ITM2B: variants seen among roughly 807,000 people sequenced by gnomAD.
ITM2B encodes integral membrane protein 2B.
A neutral mutation model predicts 27.8 loss-of-function variants in ITM2B; 11 were observed. The observed-to-expected ratio is 0.40, with a 90% CI of 0.25 to 0.66. The LOEUF is 0.66. Ranked by LOEUF, ITM2B falls within the 30% of genes least tolerant of loss-of-function variation. ITM2B has a pLI of 0.43. For missense variants in ITM2B, 296 were observed against 328.9 expected, an observed-to-expected ratio of 0.90 and a Z score of 0.77; for synonymous variants, 114 against 114.3, an observed-to-expected ratio of 1.00 and a Z score of 0.02.
In ITM2B at chr13:48,261,609, AGTT is replaced by A. The variant is rs1409351564; in HGVS notation, c.*389_*391del. 6.3e-6 allele frequency: 1 copy of A among 158,978 alleles called. No homozygotes were observed. Among genetic ancestry groups the A allele is most frequent in the East Asian group, 1.8e-4 (1 of 5,476 alleles). 9.8% of individuals were successfully genotyped at this position (158,978 alleles called of 1,614,324 possible). A position where few individuals can be genotyped will look rare whatever the true frequency, so the allele number is the denominator to read the frequency against. ...AAATGGACCACAGTGACTTATTTGT[AGTT>A]GTTAGTTGCCCTGCTACCTAGTTTG... On this transcript the variant is annotated 3_prime_UTR_variant, in exon 6 of 6. Transcript: ENST00000647800.
chr13:48,259,654 T>C (rs1951810610), intron 5 of ITM2B, among the ~76,000 whole-genome samples: 1 of 152,008 alleles, frequency 6.6e-6, no homozygotes, highest in Non-Finnish European at 1.5e-5. Context: ...AATACTGTTC[T>C]CTCATCTCCG....
chr13:48,255,230 AGTGTGT>A (rs57255200), intron 2 of ITM2B, among the ~76,000 whole-genome samples: 6,721 of 149,652 alleles, frequency 0.045, 382 homozygotes, highest in African/African-American at 0.13. Flanking sequence ...TAGTGTGTGT[AGTGTGT>A]GTGTGTGTGT....
chr13:48,255,254 T>TGTGC (rs1555275899), intron 2 of ITM2B, among the ~76,000 whole-genome samples: 2 of 144,026 alleles, frequency 1.4e-5, no homozygotes, highest in Non-Finnish European at 3.1e-5. Flanking sequence ...TGTGTGTGTG[T>TGTGC]GCGCGCGCGT....
In ITM2B at chr13:48,265,605, T is replaced by A. The variant is rs1925744; in HGVS notation, c.*4381T>A. 28,706 of 152,512 alleles carry A rather than the reference T, an allele frequency of 0.19. 3,178 individuals carry two copies. The highest frequency in any genetic ancestry group is 0.25 in the Non-Finnish European group (16,787 of 68,132). The allele number at this position is 152,512 out of a possible 1,614,324, so 9.4% of individuals were successfully genotyped here. A position where few individuals can be genotyped will look rare whatever the true frequency, so the allele number is the denominator to read the frequency against. On this transcript the variant is annotated 3_prime_UTR_variant, in exon 6 of 6. Transcript: ENST00000647800. ...GGATAAAGACCAAAATACTTAATGC[T>A]GCACAGTCCAGTCCCAACCCACTCT...
At chr13:48,252,768 A>G (rs1163726428) in intron 1 of ITM2B, among the ~76,000 whole-genome samples, 1 of 152,208 alleles carries the variant, frequency 6.6e-6, no homozygotes, top group Non-Finnish European at 1.5e-5. Flanking sequence ...CAAGTAAAGG[A>G]CAGAGTCATG....
Position 48,263,343 on chromosome 13 carries a change from T to A in ITM2B, c.*2119T>A, listed in dbSNP as rs1043002635. 2.6e-5 allele frequency: 4 copies of A among 152,104 alleles called. No homozygotes were observed. The highest frequency in any genetic ancestry group is 5.9e-5 in the Non-Finnish European group (4 of 68,026). The allele number at this position is 152,104 out of a possible 1,614,324, so 9.4% of individuals were successfully genotyped here. On this transcript the variant is annotated 3_prime_UTR_variant, in exon 6 of 6. Coordinates refer to ENST00000647800, the MANE Select transcript of ITM2B (RefSeq NM_021999.5). ...CCTAAGCTTAGTCATGTCCCAGGAA[T>A]TTTGGAACTCCAACTGAGATTTCAG...
intron 1 of ITM2B, among the ~76,000 whole-genome samples, chr13:48,235,988 A>C (rs138297944): frequency 5.3e-5 from 8 of 152,286 alleles, no homozygotes; most frequent in African/African-American, 1.9e-4. Flanking sequence ...GTACTTTTAC[A>C]TTGCTCCTGT....
At chr13:48,240,167 A>G (rs1951691522) in intron 1 of ITM2B, among the ~76,000 whole-genome samples, 1 of 152,188 alleles carries the variant, frequency 6.6e-6, no homozygotes, top group South Asian at 2.1e-4. Context: ...CAATGCCTGG[A>G]ACAGAGTTAA....
intron 1 of ITM2B, among the ~76,000 whole-genome samples, chr13:48,253,396 A>G (rs527699197): frequency 4.1e-4 from 63 of 152,358 alleles, no homozygotes; most frequent in Non-Finnish European, 7.3e-4. Flanking sequence ...AAATGATCAG[A>G]TAGAGAGATG....
At chr13:48,237,877 C>T (rs1275002531) in intron 1 of ITM2B, among the ~76,000 whole-genome samples, 1 of 152,066 alleles carries the variant, frequency 6.6e-6, no homozygotes, top group African/African-American at 2.4e-5. Flanking sequence ...CTTTGTATGT[C>T]AGTGTCAGTA....
rs533315626 is a variant in ITM2B, at chr13:48,258,051, A to C, written c.454-75A>C. 25 of 777,370 alleles carry C rather than the reference A, an allele frequency of 3.2e-5. No individual in the cohort carries two copies. The African/African-American group carries it at 3.6e-4, about 11-fold the overall frequency. The allele number at this position is 777,370 out of a possible 1,614,324, so 48.2% of individuals were successfully genotyped here. ...AAGCCAATTCATTTTAATGATACAA[A>C]TTATTCTTAAAAATCCAGTTGCTGC... On this transcript the variant is annotated intron_variant, in intron 3 of 5. Coordinates refer to ENST00000647800, the MANE Select transcript of ITM2B (RefSeq NM_021999.5).
At position 48,264,034 on chromosome 13, in the gene ITM2B, A is replaced by T. The variant is rs983496692; in HGVS notation, c.*2810A>T. 2 of 151,396 alleles carry T rather than the reference A, an allele frequency of 1.3e-5. No homozygotes were observed. Among genetic ancestry groups the T allele is most frequent in the Admixed American group, 6.6e-5 (1 of 15,188 alleles). The allele number at this position is 151,396 out of a possible 1,614,324, so 9.4% of individuals were successfully genotyped here. On this transcript the variant is annotated 3_prime_UTR_variant, in exon 6 of 6. Transcript: ENST00000647800. ...CATTCTGCCCCTATTGCATTGGTTT[A>T]AAAAAAAAGTACAGAAGTCAAGATG...
In ITM2B at chr13:48,256,361, A is replaced by G; in HGVS notation, c.431A>G (p.Asn144Ser). 3 of 1,613,812 alleles carry G rather than the reference A, an allele frequency of 1.9e-6. No homozygotes were observed. Among genetic ancestry groups the G allele is most frequent in the Non-Finnish European group, 2.5e-6 (3 of 1,179,740 alleles). ...VPEFADSDPA[N>S]IVHDFNKKLT... ...GAGTTTGCAGATAGTGATCCTGCCA[A>G]CATTGTTCATGACTTTAACAAGGTG... The change falls in exon 3 of 6, where the codon AAC (asparagine) becomes AGC (serine). Residue 144 changes from asparagine (N) to serine (S), a missense_variant. Asn to Ser is a conservative substitution (Grantham distance 46). Coordinates refer to ENST00000647800, the MANE Select transcript of ITM2B (RefSeq NM_021999.5).
intron 1 of ITM2B, among the ~76,000 whole-genome samples, chr13:48,247,293 C>CT (rs137925633): frequency 1.0e-3 from 155 of 152,210 alleles, no homozygotes; most frequent in African/African-American, 3.6e-3. Flanking sequence ...GTAACTAAAT[C>CT]TATTTCTGAA....
At chr13:48,244,017 G>C (rs1008113459) in intron 1 of ITM2B, among the ~76,000 whole-genome samples, 1 of 152,038 alleles carries the variant, frequency 6.6e-6, no homozygotes, top group African/African-American at 2.4e-5. Flanking sequence ...GACTTTATTA[G>C]CTCTGTGATA....
chr13:48,260,787 A>G (rs1348816184), intron 5 of ITM2B, among the ~76,000 whole-genome samples: 1 of 152,138 alleles, frequency 6.6e-6, no homozygotes, highest in Non-Finnish European at 1.5e-5. Context: ...TACACGTGCC[A>G]TGAAATTTAC....
rs142503360 is a variant in ITM2B, at chr13:48,238,590, C to T, written c.117+5113C>T. ...TTATGATGTTGAACTAACATAAGTA[C>T]GACAAAAGAGAAATAAAATTTTCAC... is the stretch of plus-strand genomic sequence containing the variant. On this transcript the variant is annotated intron_variant, in intron 1 of 5. Coordinates refer to ENST00000647800, the MANE Select transcript of ITM2B (RefSeq NM_021999.5). Among the ~76,000 whole-genome samples the T allele has an allele frequency of 1.9e-3, 290 of 152,158 alleles. 5 individuals carry two copies. The highest frequency in any genetic ancestry group is 6.6e-3 in the African/African-American group (273 of 41,502).
At position 48,262,289 on chromosome 13, in the gene ITM2B, C is replaced by G. The variant is rs1951827328; in HGVS notation, c.*1065C>G. ...CTCTGAAATAATTCAGAATCCACCC[C>G]CATTTAATAAAATACCTATGATTCA... On this transcript the variant is annotated 3_prime_UTR_variant, in exon 6 of 6. Coordinates refer to ENST00000647800, the MANE Select transcript of ITM2B (RefSeq NM_021999.5). The G allele has an allele frequency of 1.3e-5, 2 of 152,062 alleles. No homozygotes were observed. Among genetic ancestry groups the G allele is most frequent in the African/African-American group, 4.8e-5 (2 of 41,408 alleles). The allele number at this position is 152,062 out of a possible 1,614,324, so 9.4% of individuals were successfully genotyped here.
rs1443463915 is a variant in ITM2B, at chr13:48,258,830, C to G, written c.598C>G (p.His200Asp). Residue 200 changes from histidine to aspartate, a missense_variant, in exon 5 of 6, where the codon CAT becomes GAT. Transcript: ENST00000647800. ...CTATTTGCCTCAGTCCTATCTGATT[C>G]ATGAGCACATGGTTATTACTGATCG... Reference protein sequence around the residue: ...GTYLPQSYLIHEHMVITDRIE... With the variant: ...GTYLPQSYLIDEHMVITDRIE... 5 of 1,613,578 alleles carry G rather than the reference C, an allele frequency of 3.1e-6. No individual in the cohort carries two copies. The East Asian group carries it at 8.9e-5, about 29-fold the overall frequency.
Sources: allele counts gnomAD v4.1 joint callset (sites outside exome capture counted in the v4.1 genomes callset), GRCh38; gene constraint gnomAD v4.1.1; transcripts MANE v1.5; gene names NCBI Gene and HGNC (gene_info 2026-07-23, HGNC 2026-07-21).